BANK1: variants seen among roughly 807,000 people sequenced by gnomAD.
BANK1 encodes the protein B-cell scaffold protein with ankyrin repeats.
A neutral mutation model predicts 94.5 loss-of-function variants in BANK1; 95 were observed. The ratio of observed to expected loss-of-function variants is 1.00; its 90% CI spans 0.85 to 1.19. The LOEUF (loss-of-function observed/expected upper bound fraction) is 1.19. Among genes scored for constraint, BANK1 ranks in the 50% most tolerant of loss-of-function variants. BANK1 has a pLI of 0.00. For missense variants in BANK1, 987 were observed against 932.2 expected (o/e 1.06, Z -0.77); for synonymous variants, 334 against 308.4 (o/e 1.08, Z -0.87).
chr4:101,993,822 A>C (rs549811912), intron 7 of BANK1, among the ~76,000 whole-genome samples: 142 of 152,318 alleles, frequency 9.3e-4, no homozygotes, highest in African/African-American at 3.4e-3. Flanking sequence ...TCCAGATTCC[A>C]TTTTCCAAAA....
intron 11 of BANK1, among the ~76,000 whole-genome samples, chr4:102,051,917 G>C (rs1300177865): frequency 6.6e-6 from 1 of 151,972 alleles, no homozygotes; most frequent in Non-Finnish European, 1.5e-5. Context: ...TAGTGCCAGG[G>C]AATCATGTCC....
chr4:101,827,352 A>T (rs989265288), intron 1 of BANK1, among the ~76,000 whole-genome samples: 13 of 151,874 alleles, frequency 8.6e-5, no homozygotes, highest in African/African-American at 3.1e-4. Flanking sequence ...TACTTTTTAG[A>T]TTATTTATTA....
intron 7 of BANK1, among the ~76,000 whole-genome samples, chr4:101,933,905 T>C (rs1287838360): frequency 1.3e-5 from 2 of 151,252 alleles, no homozygotes; most frequent in African/African-American, 2.4e-5. Flanking sequence ...GATTACCCCA[T>C]AATTATTGCT....
intron 7 of BANK1, among the ~76,000 whole-genome samples, chr4:102,002,320 G>C (rs1014726845): frequency 6.6e-6 from 1 of 151,646 alleles, no homozygotes; most frequent in Non-Finnish European, 1.5e-5. Flanking sequence ...TTTGATCTTG[G>C]GCAAGTTACT....
At chr4:102,030,910 G>A (rs1347164760) in intron 10 of BANK1, among the ~76,000 whole-genome samples, 3 of 152,128 alleles carry the variant, frequency 2.0e-5, no homozygotes, top group Non-Finnish European at 4.4e-5. Context: ...ACATGTGCAT[G>A]TGTCTTTATA....
At chr4:101,829,588 T>C (rs1423861971) in intron 1 of BANK1, among the ~76,000 whole-genome samples, 1 of 152,050 alleles carries the variant, frequency 6.6e-6, no homozygotes, top group Non-Finnish European at 1.5e-5. Flanking sequence ...TTTATTATAC[T>C]CTTTCATATC....
At chr4:101,871,874 A>T (rs1560610505) in intron 5 of BANK1, among the ~76,000 whole-genome samples, 1 of 152,162 alleles carries the variant, frequency 6.6e-6, no homozygotes, top group Non-Finnish European at 1.5e-5. Context: ...GGGATCTTTG[A>T]ATATAGTAAA....
intron 7 of BANK1, among the ~76,000 whole-genome samples, chr4:102,004,794 G>T (rs979905525): frequency 6.6e-6 from 1 of 152,050 alleles, no homozygotes; most frequent in African/African-American, 2.4e-5. Context: ...AAAAATTAAA[G>T]CCCTCACAGC....
intron 7 of BANK1, among the ~76,000 whole-genome samples, chr4:101,975,055 A>T (rs1341557407): frequency 6.6e-6 from 1 of 152,150 alleles, no homozygotes; most frequent in Non-Finnish European, 1.5e-5. Flanking sequence ...TTAACAAAAG[A>T]GAGAGAGGGA....
intron 2 of BANK1, among the ~76,000 whole-genome samples, chr4:101,839,861 T>C (rs557180355): frequency 6.7e-6 from 1 of 149,072 alleles, no homozygotes; most frequent in East Asian, 2.0e-4. Context: ...TTTTAGAAAC[T>C]AAGACAAAGG....
chr4:101,797,352 G>T (rs989964677), intron 1 of BANK1, among the ~76,000 whole-genome samples: 2 of 152,214 alleles, frequency 1.3e-5, no homozygotes, highest in South Asian at 4.1e-4. Flanking sequence ...AAACCTAATT[G>T]CATAAATTTG....
Position 102,025,309 on chromosome 4 carries a change from G to A in BANK1, c.1394G>A (p.Gly465Asp), listed in dbSNP as rs1482959014. Residue 465 changes from glycine to aspartate, a missense_variant, in exon 9 of 17, where the codon GGC becomes GAC. By Grantham distance (94) the Gly-to-Asp change is moderately conservative. Transcript: ENST00000322953. ...MEGEGKQNGS[G>D]METKHSPLEV... is the part of the protein sequence containing the mutation. ...GGGGAAGGAAAACAGAATGGATCAG[G>A]CATGGAGACCAAACACAGCCCACTA... 1 of 1,614,066 alleles carries A rather than the reference G, an allele frequency of 6.2e-7. No homozygotes were observed.
intron 4 of BANK1, among the ~76,000 whole-genome samples, chr4:101,869,542 C>T (rs1007523865): frequency 4.0e-5 from 6 of 151,834 alleles, no homozygotes; most frequent in Non-Finnish European, 8.8e-5. Flanking sequence ...GCTTTCGTTG[C>T]ATTTAAGTTT....
intron 1 of BANK1, among the ~76,000 whole-genome samples, chr4:101,798,028 A>G (rs981319670): frequency 6.6e-6 from 1 of 152,214 alleles, no homozygotes; most frequent in African/African-American, 2.4e-5. Flanking sequence ...ACGAAGATAC[A>G]GTGAGAAGAA....
intron 7 of BANK1, among the ~76,000 whole-genome samples, chr4:102,007,079 T>G (rs1441942066): frequency 1.5e-5 from 1 of 68,058 alleles, no homozygotes; most frequent in South Asian, 3.1e-4. Context: ...TATATATATA[T>G]AAATATATAT....
rs1159812943 is a variant in BANK1, at chr4:102,071,270, T to C, written c.2213-5T>C. The C allele has an allele frequency of 6.2e-7, 1 of 1,613,838 alleles. No individual in the cohort carries two copies. Among genetic ancestry groups the C allele is most frequent in the Non-Finnish European group, 8.5e-7 (1 of 1,179,772 alleles). On this transcript the variant is annotated splice_region_variant and splice_polypyrimidine_tract_variant and intron_variant, in intron 13 of 16. Transcript: ENST00000322953. The stretch of plus-strand genomic sequence containing the variant: ...CAGTAGAACATGCTTTTTTTTGTCT[T>C]CCAGATAAACTCACCATTGTGCACC...
rs2148846109 is a variant in BANK1 at position 101,790,736 on chromosome 4, T to C, written c.-145T>C. On this transcript the variant is annotated 5_prime_UTR_variant, in exon 1 of 17. Coordinates refer to ENST00000322953, the MANE Select transcript of BANK1 (RefSeq NM_017935.5). ...CCCCGGGGCTGCGTTTCCTGAGACC[T>C]GGCCGCAGCCTCCGCGGGTGGCAAG... 2.3e-6 allele frequency: 2 copies of C among 885,262 alleles called. No individual in the cohort carries two copies. Among genetic ancestry groups the C allele is most frequent in the Non-Finnish European group, 1.8e-6 (1 of 567,404 alleles). The allele number at this position is 885,262 out of a possible 1,614,324, so 54.8% of individuals were successfully genotyped here.
At chr4:101,839,019 A>C (rs557002755) in intron 2 of BANK1, among the ~76,000 whole-genome samples, 1 of 152,318 alleles carries the variant, frequency 6.6e-6, no homozygotes, top group African/African-American at 2.4e-5. Flanking sequence ...ATATATTTTA[A>C]CTTTATTCTT....
At chr4:101,921,211 A>T (rs1722987171) in intron 7 of BANK1, among the ~76,000 whole-genome samples, 3 of 152,028 alleles carry the variant, frequency 2.0e-5, no homozygotes, top group African/African-American at 7.2e-5. Flanking sequence ...TAATCCATAA[A>T]GTATTTCAAA....
Sources: gnomAD v4.1 joint callset for allele counts (sites outside exome capture counted in the v4.1 genomes callset) on GRCh38, gnomAD v4.1.1 for gene constraint, MANE v1.5 for transcripts, NCBI Gene and HGNC (gene_info 2026-07-23, HGNC 2026-07-21) for gene names.